ERAP1: variants seen among roughly 807,000 people sequenced by gnomAD.
ERAP1 encodes the protein endoplasmic reticulum aminopeptidase 1.
A neutral mutation model predicts 103.7 loss-of-function variants in ERAP1; 86 were observed. The observed-to-expected ratio is 0.83, with a 90% CI of 0.70 to 0.99. ERAP1 has a LOEUF of 0.99. Ranked by LOEUF, ERAP1 falls within the 50% of genes least tolerant of loss-of-function variation. The probability of loss-of-function intolerance (pLI) is 0.00; values close to 1 mark genes in which losing one functional copy is unlikely to be tolerated. For missense variants in ERAP1, 1,009 were observed against 1,128.4 expected, an observed-to-expected ratio of 0.89 and a Z score of 1.52; for synonymous variants, 398 against 402.4, an observed-to-expected ratio of 0.99 and a Z score of 0.13.
At chr5:96,886,801 T>C in the ERAP1 span, 4 of 1,473,056 alleles carry the variant, frequency 2.7e-6, no homozygotes, top group Non-Finnish European at 3.7e-6. Flanking sequence ...TGAGACTGAG[T>C]TCTAACGTTC....
the ERAP1 span, among the ~76,000 whole-genome samples, chr5:96,852,113 A>T: frequency 6.6e-6 from 1 of 152,242 alleles, no homozygotes; most frequent in Non-Finnish European, 1.5e-5. Context: ...CTCTGTGGGA[A>T]AAGCTTAAAC....
At chr5:96,809,715 G>C (rs2151024707), upstream of ERAP1, among the ~76,000 whole-genome samples, 1 of 152,098 alleles carries the variant, frequency 6.6e-6, no homozygotes, top group South Asian at 2.1e-4. Flanking sequence ...TTTGACAGGA[G>C]GTATCAATGG....
At chr5:96,816,903 C>T in the ERAP1 span, among the ~76,000 whole-genome samples, 1 of 152,294 alleles carries the variant, frequency 6.6e-6, no homozygotes, top group Non-Finnish European at 1.5e-5. Context: ...AGATAAGACC[C>T]CGGACCTCAC....
upstream of ERAP1, among the ~76,000 whole-genome samples, chr5:96,809,638 G>GT (rs997921397): frequency 6.6e-6 from 1 of 152,028 alleles, no homozygotes; most frequent in East Asian, 1.9e-4. Context: ...ATCCAGGGAA[G>GT]TTTTTTTCAC....
chr5:96,935,302 C>CAGCCCCGGGACTG, the ERAP1 span: 1 of 152,338 alleles, frequency 6.6e-6, no homozygotes, highest in Non-Finnish European at 1.5e-5. Context: ...AGGCAGCCGC[C>CAGCCCCGGGACTG]AGCCCCGGGA....
the ERAP1 span, among the ~76,000 whole-genome samples, chr5:96,858,666 T>C: frequency 6.6e-6 from 1 of 152,338 alleles, no homozygotes; most frequent in South Asian, 2.1e-4. Context: ...TTACTGAAGT[T>C]AGAGTGCATG....
the ERAP1 span, among the ~76,000 whole-genome samples, chr5:96,844,297 C>G: frequency 6.6e-6 from 1 of 152,172 alleles, no homozygotes; most frequent in East Asian, 1.9e-4. Flanking sequence ...TTAATGTCAC[C>G]TCATCAGGTA....
the ERAP1 span, among the ~76,000 whole-genome samples, chr5:96,928,909 T>A: frequency 6.6e-6 from 1 of 152,204 alleles, no homozygotes; most frequent in Non-Finnish European, 1.5e-5. Flanking sequence ...GGCTCAAGCA[T>A]GTGCACTAAG....
At chr5:96,856,392 A>AGAGAGC in the ERAP1 span, among the ~76,000 whole-genome samples, 1 of 127,946 alleles carries the variant, frequency 7.8e-6, no homozygotes, top group African/African-American at 2.8e-5. Context: ...AGAGAGAGAG[A>AGAGAGC]GAGCAAATAC....
chr5:96,854,024 C>A, the ERAP1 span, among the ~76,000 whole-genome samples: 1 of 152,116 alleles, frequency 6.6e-6, no homozygotes, highest in Non-Finnish European at 1.5e-5. Context: ...TGAAAGAAAT[C>A]TGTGAATGCA....
At chr5:96,890,826 T>TTA in the ERAP1 span, among the ~76,000 whole-genome samples, 3,968 of 152,268 alleles carry the variant, frequency 0.026, 85 homozygotes, top group Middle Eastern at 0.095. Context: ...TAAATCCCAT[T>TTA]TATATGTAAT....
the ERAP1 span, among the ~76,000 whole-genome samples, chr5:96,904,310 G>T: frequency 6.6e-6 from 1 of 152,204 alleles, no homozygotes; most frequent in African/African-American, 2.4e-5. Flanking sequence ...GGACCAGGAA[G>T]TATATTGTGC....
chr5:96,792,369 C>G (rs1776825872), intron 7 of ERAP1, among the ~76,000 whole-genome samples, 177 bp from the exon 8 acceptor site: 1 of 152,040 alleles, frequency 6.6e-6, no homozygotes, highest in Non-Finnish European at 1.5e-5. Context: ...AAAAGCTACC[C>G]AAGAAACAAT....
chr5:96,802,159 C>T (rs1778083025), intron 2 of ERAP1, among the ~76,000 whole-genome samples: 1 of 151,844 alleles, frequency 6.6e-6, no homozygotes, highest in Non-Finnish European at 1.5e-5. Context: ...GGCATTTATT[C>T]TAAAGAAATA....
upstream of ERAP1, among the ~76,000 whole-genome samples, chr5:96,808,868 G>A (rs1778974077): frequency 6.6e-6 from 1 of 152,134 alleles, no homozygotes; most frequent in Non-Finnish European, 1.5e-5. Flanking sequence ...GAGGGTTCTT[G>A]GATTTTGCGC....
At chr5:96,810,423 T>G (rs187566199), upstream of ERAP1, among the ~76,000 whole-genome samples, 1 of 152,358 alleles carries the variant, frequency 6.6e-6, no homozygotes, top group East Asian at 1.9e-4. Context: ...ATGTGTGTGT[T>G]TATAATTTGA....
the ERAP1 span, among the ~76,000 whole-genome samples, chr5:96,815,407 G>GTTTTTTGTTTTTTTTTTTTTTTTTTT: frequency 9.5e-6 from 1 of 105,458 alleles, no homozygotes; most frequent in Non-Finnish European, 2.1e-5. Context: ...TGTTTGTTTT[G>GTTTTTTGTTTTTTTTTTTTTTTTTTT]TTTTTTATTT....
At chr5:96,809,505 T>C (rs1033700328), upstream of ERAP1, among the ~76,000 whole-genome samples, 2 of 152,132 alleles carry the variant, frequency 1.3e-5, no homozygotes, top group Non-Finnish European at 2.9e-5. Flanking sequence ...GTATTTCTCT[T>C]TTTTTTTCAA....
At chr5:96,934,433 T>C in the ERAP1 span, 4 of 152,266 alleles carry the variant, frequency 2.6e-5, no homozygotes, top group African/African-American at 4.8e-5. Flanking sequence ...AAAGGAATTA[T>C]TAACAATGAT....
Sources: allele counts gnomAD v4.1 joint callset (sites outside exome capture counted in the v4.1 genomes callset), GRCh38; gene constraint gnomAD v4.1.1; transcripts MANE v1.5; gene names NCBI Gene and HGNC (gene_info 2026-07-23, HGNC 2026-07-21).